GNPTAB: variants seen among roughly 807,000 people sequenced by gnomAD.
GNPTAB encodes N-acetylglucosamine-1-phosphate transferase subunits alpha and beta.
In GNPTAB, 92 loss-of-function variants were observed where a neutral mutation model predicts 136.6. The observed-to-expected ratio is 0.67, with a 90% CI of 0.57 to 0.80. The LOEUF is 0.80. Ranked by LOEUF, GNPTAB falls within the 30% of genes least tolerant of loss-of-function variation. The pLI, the probability that GNPTAB is intolerant of heterozygous loss-of-function variation, is 0.00. For missense variants in GNPTAB, 1,343 were observed against 1,501.8 expected (o/e 0.89, Z 1.75); for synonymous variants, 512 against 535.1 (o/e 0.96, Z 0.60).
chr12:101,792,180 G>A lies in GNPTAB; in HGVS notation c.204-2123C>T, dbSNP rs74633223. On this transcript the variant is annotated intron_variant, in intron 2 of 20. Coordinates refer to ENST00000299314, the MANE Select transcript of GNPTAB (RefSeq NM_024312.5). ...GCAAAGATATGAAGGAAGTGAGGAA[G>A]CCAGCCAGGTGGGTAACTGAGAGAA... Among the ~76,000 whole-genome samples, 158 of 152,256 alleles carry A rather than the reference G, an allele frequency of 1.0e-3. No homozygotes were observed. In the East Asian group the frequency reaches 0.029, roughly 28 times the overall value.
chr12:101,781,784 G>C (rs1450025272), intron 5 of GNPTAB, among the ~76,000 whole-genome samples: 1 of 152,190 alleles, frequency 6.6e-6, no homozygotes, highest in Non-Finnish European at 1.5e-5. Flanking sequence ...TTAAGAGTAT[G>C]AATTCATTAC....
intron 5 of GNPTAB, among the ~76,000 whole-genome samples, chr12:101,782,850 T>A (rs989021302): frequency 3.3e-5 from 5 of 152,168 alleles, no homozygotes; most frequent in Admixed American, 2.6e-4. Flanking sequence ...CACTCCTGCC[T>A]CAGGGCCTTT....
At position 101,764,298 on chromosome 12, in the gene GNPTAB, A is replaced by G. The variant is rs1423693435; in HGVS notation, c.2619T>C (p.Thr873=). ...GCAGCTTTCTTCCAAGTAACACTTC[A>G]GTAACGCCTATGTGATTTTCAGCAT... The part of the protein sequence containing the change: ...EENAENHIGV[T]EVLLGRKLQH... The change falls in exon 13 of 21, where the codon ACT becomes ACC. Residue 873 remains threonine (T), a synonymous_variant. Coordinates refer to ENST00000299314, the MANE Select transcript of GNPTAB (RefSeq NM_024312.5). The G allele has an allele frequency of 3.7e-6, 6 of 1,613,936 alleles. No homozygotes were observed. Among genetic ancestry groups the G allele is most frequent in the Admixed American group, 1.7e-5 (1 of 59,956 alleles).
At chr12:101,782,653 T>A (rs1460253125) in intron 5 of GNPTAB, among the ~76,000 whole-genome samples, 4 of 152,202 alleles carry the variant, frequency 2.6e-5, no homozygotes, top group Non-Finnish European at 4.4e-5. Flanking sequence ...ATTACATTTC[T>A]ACTCAAAACC....
chr12:101,819,514 G>GCC (rs1216716864), intron 1 of GNPTAB, among the ~76,000 whole-genome samples: 1 of 152,048 alleles, frequency 6.6e-6, no homozygotes, highest in African/African-American at 2.4e-5. Flanking sequence ...GGGGGAAAAA[G>GCC]GTTTATCAAA....
At chr12:101,758,020 A>T (rs979451284) in intron 16 of GNPTAB, among the ~76,000 whole-genome samples, 1 of 151,722 alleles carries the variant, frequency 6.6e-6, no homozygotes, top group Non-Finnish European at 1.5e-5. Context: ...CCGACCCACA[A>T]ATAGTCTCAT....
chr12:101,830,272 A>G (rs970594400), intron 1 of GNPTAB, among the ~76,000 whole-genome samples: 1 of 152,126 alleles, frequency 6.6e-6, no homozygotes, highest in African/African-American at 2.4e-5. Context: ...CTAAAATCAC[A>G]TACATGCCTT....
intron 7 of GNPTAB, among the ~76,000 whole-genome samples, chr12:101,771,642 G>T (rs930848655): frequency 6.6e-6 from 1 of 152,128 alleles, no homozygotes; most frequent in Non-Finnish European, 1.5e-5. Context: ...AAAAATAGGC[G>T]TCTAAAAACA....
chr12:101,757,204 A>C lies in GNPTAB; in HGVS notation c.3434+8T>G. The C allele has an allele frequency of 7.1e-7, 1 of 1,412,644 alleles. No homozygotes were observed. The highest frequency in any genetic ancestry group is 1.0e-6 in the Non-Finnish European group (1 of 998,298). The allele number at this position is 1,412,644 out of a possible 1,614,324, so 87.5% of individuals were successfully genotyped here. A position where few individuals can be genotyped will look rare whatever the true frequency, so the allele number is the denominator to read the frequency against. ...GCATAATTAAAAATTATATATAAAA[A>C]TCAGTACCTAGGGTTTTTTCTTATG... is the stretch of plus-strand genomic sequence containing the variant. On this transcript the variant is annotated splice_region_variant and intron_variant, in intron 18 of 20. Transcript: ENST00000299314.
chr12:101,827,673 A>C (rs1266442732), intron 1 of GNPTAB, among the ~76,000 whole-genome samples: 1 of 152,184 alleles, frequency 6.6e-6, no homozygotes, highest in Non-Finnish European at 1.5e-5. Context: ...GTTAACAATG[A>C]TCTTCTGAGG....
At chr12:101,808,375 T>TTAA (rs1555274393) in intron 1 of GNPTAB, among the ~76,000 whole-genome samples, 2 of 106,716 alleles carry the variant, frequency 1.9e-5, no homozygotes, top group Admixed American at 1.0e-4. Context: ...CCCGGGCAAT[T>TTAA]AAAAAAAAAA....
In GNPTAB at chr12:101,753,508, G is replaced by A; in HGVS notation, c.3466C>T (p.His1156Tyr). The A allele has an allele frequency of 6.2e-7, 1 of 1,613,886 alleles. No individual in the cohort carries two copies. The highest frequency in any genetic ancestry group is 8.5e-7 in the Non-Finnish European group (1 of 1,179,832). ...ACTGTCTGAGCATCTTTATGATTGT[G>A]GTCAATGTTGTCATTCAGGCAAACA... Reference protein sequence around the residue: ...KFVCLNDNIDHNHKDAQTVKA... With the variant: ...KFVCLNDNIDYNHKDAQTVKA... Residue 1156 changes from histidine to tyrosine, a missense_variant, in exon 19 of 21, where the codon CAC becomes TAC. Coordinates refer to ENST00000299314, the MANE Select transcript of GNPTAB (RefSeq NM_024312.5).
chr12:101,776,666 T>C (rs1215455688), intron 7 of GNPTAB, among the ~76,000 whole-genome samples: 1 of 152,264 alleles, frequency 6.6e-6, no homozygotes. Context: ...GAGTGACTCC[T>C]GTGAATAATC....
At chr12:101,794,709 G>A (rs2137156331) in intron 2 of GNPTAB, among the ~76,000 whole-genome samples, 1 of 152,216 alleles carries the variant, frequency 6.6e-6, no homozygotes, top group East Asian at 1.9e-4. Flanking sequence ...AAGAGAACAA[G>A]AGTGTTTGAT....
intron 7 of GNPTAB, chr12:101,773,122 T>A (rs1953205949): frequency 4.1e-6 from 1 of 242,678 alleles, no homozygotes; most frequent in African/African-American, 2.3e-5. Flanking sequence ...CCATCTCCCA[T>A]TTCTTGAGGG....
At chr12:101,767,934 A>G (rs1566076117) in intron 11 of GNPTAB, 103 bp downstream of exon 11, 1 of 1,245,380 alleles carries the variant, frequency 8.0e-7, no homozygotes, top group African/African-American at 1.5e-5. Flanking sequence ...TTCTTTATTA[A>G]TACATAAAGA....
At chr12:101,824,571 A>G (rs961838561) in intron 1 of GNPTAB, among the ~76,000 whole-genome samples, 2 of 149,400 alleles carry the variant, frequency 1.3e-5, no homozygotes, top group Non-Finnish European at 3.0e-5. Context: ...GGTTCAAGCG[A>G]TTCTCCTGCC....
At chr12:101,796,467 A>G in intron 2 of GNPTAB, 1 of 620,524 alleles carries the variant, frequency 1.6e-6, no homozygotes, top group Non-Finnish European at 2.9e-6. Flanking sequence ...CAGGGGCCAC[A>G]CTAATCTTCT....
chr12:101,761,782 AT>A lies in GNPTAB; in HGVS notation c.2716-20del. The A allele has an allele frequency of 6.4e-7, 1 of 1,555,480 alleles. No homozygotes were observed. Among genetic ancestry groups the A allele is most frequent in the Non-Finnish European group, 8.9e-7 (1 of 1,127,536 alleles). ...CTTCTTCCTGAAAAGAGAATTCTAC[AT>A]GTAACTCAGCATTATGTTTAGTGCA... On this transcript the variant is annotated intron_variant, in intron 13 of 20. Coordinates refer to ENST00000299314, the MANE Select transcript of GNPTAB (RefSeq NM_024312.5).
Sources: gnomAD v4.1 joint callset for allele counts (sites outside exome capture counted in the v4.1 genomes callset) on GRCh38, gnomAD v4.1.1 for gene constraint, MANE v1.5 for transcripts, NCBI Gene and HGNC (gene_info 2026-07-23, HGNC 2026-07-21) for gene names.